The following TPPP variants were observed in gnomAD, a reference collection of about 807,000 sequenced individuals.
TPPP encodes the protein tubulin polymerization promoting protein.
In TPPP, 6 loss-of-function variants were observed where a neutral mutation model predicts 15.5. That is an observed-to-expected ratio of 0.39 (90% CI 0.21 to 0.77). TPPP has a LOEUF of 0.77. Ranked by LOEUF, TPPP falls within the 30% of genes least tolerant of loss-of-function variation. The pLI, the probability that TPPP is intolerant of heterozygous loss-of-function variation, is 0.42. For synonymous variants in TPPP, 146 were observed against 133.9 expected (o/e 1.09, Z -0.63); for missense variants, 269 against 307.2 (o/e 0.88, Z 0.93).
chr5:698,449 C>T, the TPPP span, among the ~76,000 whole-genome samples: 2 of 152,000 alleles, frequency 1.3e-5, no homozygotes, highest in Admixed American at 6.6e-5. Flanking sequence ...TAAAGACATG[C>T]CTGAGACTGG....
At position 665,982 on chromosome 5, in the gene TPPP, G is replaced by A. The variant is rs765719946; in HGVS notation, c.453C>T (p.Ile151=). The A allele has an allele frequency of 6.7e-7, 1 of 1,501,148 alleles. No homozygotes were observed. The highest frequency in any genetic ancestry group is 1.5e-5 in the African/African-American group (1 of 68,458). 93.0% of individuals were successfully genotyped at this position (1,501,148 alleles called of 1,614,324 possible). ...CCGCCCTGCTCACCGTCACCCCTGA[G>A]ATGATGGGCGCCTTGCCCTCGATGA... ...HRLIEGKAPI[I]SGVTKAISSP... is the part of the protein sequence containing the mutation. Residue 151 remains isoleucine (I), a synonymous_variant, in exon 3 of 4, where the codon ATC becomes ATT. Coordinates refer to ENST00000360578, the MANE Select transcript of TPPP (RefSeq NM_007030.3).
rs1472767931 is a variant in TPPP, at chr5:661,097, G to A, written c.*4005C>T. The A allele has an allele frequency of 6.6e-6, 1 of 152,358 alleles. No homozygotes were observed. Among genetic ancestry groups the A allele is most frequent in the Non-Finnish European group, 1.5e-5 (1 of 68,048 alleles). The allele number at this position is 152,358 out of a possible 1,614,324, so 9.4% of individuals were successfully genotyped here. On this transcript the variant is annotated 3_prime_UTR_variant, in exon 4 of 4. Transcript: ENST00000360578. The stretch of plus-strand genomic sequence containing the variant: ...ATAGCAGTAAATTAAAAATAAATAA[G>A]CACTCTGGCGTGAACAGTCTTCTCA...
chr5:665,944 C>T, intron 3 of TPPP, 26 bp downstream of exon 3: 1 of 1,500,748 alleles, frequency 6.7e-7, no homozygotes, highest in Non-Finnish European at 8.9e-7. Context: ...CCTCCAGGCC[C>T]CGCCTTCCAT....
At chr5:694,144 G>A (rs1387619720), upstream of TPPP, among the ~76,000 whole-genome samples, 1 of 149,628 alleles carries the variant, frequency 6.7e-6, no homozygotes, top group African/African-American at 2.4e-5. Context: ...CCGGGCACCT[G>A]CCGCCCCTCC....
intron 1 of TPPP, chr5:692,923 A>T: frequency 1.1e-6 from 1 of 893,976 alleles, no homozygotes; most frequent in Non-Finnish European, 1.3e-6. Flanking sequence ...CGAGCTGGGG[A>T]GGGTCTGGAG....
upstream of TPPP, among the ~76,000 whole-genome samples, chr5:693,583 T>A (rs1419292521): frequency 6.6e-6 from 1 of 151,368 alleles, no homozygotes; most frequent in Non-Finnish European, 1.5e-5. Flanking sequence ...CCGCCGGGTA[T>A]CCGCTCAGCG....
At chr5:700,079 A>C in the TPPP span, among the ~76,000 whole-genome samples, 1 of 151,996 alleles carries the variant, frequency 6.6e-6, no homozygotes, top group East Asian at 1.9e-4. Flanking sequence ...TTGGTTCAGC[A>C]ACCCCACTAC....
intron 2 of TPPP, among the ~76,000 whole-genome samples, chr5:674,985 G>C (rs1740353698): frequency 6.8e-6 from 1 of 147,830 alleles, no homozygotes; most frequent in African/African-American, 2.5e-5. Context: ...CAAAGGATCT[G>C]TGGCCGGGGG....
At chr5:692,925 G>A in intron 1 of TPPP, 2 of 896,274 alleles carry the variant, frequency 2.2e-6, no homozygotes, top group South Asian at 5.1e-5. Flanking sequence ...AGCTGGGGAG[G>A]GTCTGGAGGG....
Position 660,009 on chromosome 5 carries a change from C to G in TPPP, c.*5093G>C, listed in dbSNP as rs1323754611. The G allele has an allele frequency of 6.6e-6, 1 of 152,360 alleles. No homozygotes were observed. 9.4% of individuals were successfully genotyped at this position (152,360 alleles called of 1,614,324 possible). On this transcript the variant is annotated 3_prime_UTR_variant, in exon 4 of 4. Coordinates refer to ENST00000360578, the MANE Select transcript of TPPP (RefSeq NM_007030.3). ...TCAACAGCAAGTCCAACAGGCAACA[C>G]CACACCTCTCACCTGCAGGAGGAAC...
chr5:676,247 C>T (rs1261133910), intron 2 of TPPP: 1 of 152,324 alleles, frequency 6.6e-6, no homozygotes, highest in African/African-American at 2.4e-5. Context: ...CTCAGCAGGA[C>T]ACGCAGTCTA....
upstream of TPPP, among the ~76,000 whole-genome samples, chr5:697,346 A>G (rs1388488588): frequency 7.0e-6 from 1 of 143,674 alleles, no homozygotes. Context: ...TACGCCAGCC[A>G]TCGCTACCTC....
chr5:697,364 C>T (rs1260099992), upstream of TPPP, among the ~76,000 whole-genome samples: 1 of 148,310 alleles, frequency 6.7e-6, no homozygotes, highest in East Asian at 2.0e-4. Flanking sequence ...CTCAGTTCCA[C>T]AGCCGATGTT....
At chr5:674,237 C>T (rs565864423) in intron 2 of TPPP, among the ~76,000 whole-genome samples, 4 of 152,212 alleles carry the variant, frequency 2.6e-5, no homozygotes, top group African/African-American at 7.2e-5. Flanking sequence ...CCCAGGGACT[C>T]GTCCCAGATG....
chr5:698,731 C>T, the TPPP span, among the ~76,000 whole-genome samples: 1 of 151,928 alleles, frequency 6.6e-6, no homozygotes, highest in African/African-American at 2.4e-5. Flanking sequence ...ATGGGAGCTA[C>T]AATTCAAGAT....
intron 1 of TPPP, among the ~76,000 whole-genome samples, chr5:686,821 CT>C (rs1740779459): frequency 7.0e-6 from 1 of 143,566 alleles, no homozygotes; most frequent in Admixed American, 7.0e-5. Context: ...TTAACAGAGC[CT>C]TTGGGGGATG....
At chr5:667,734 A>G (rs1262757071) in intron 2 of TPPP, among the ~76,000 whole-genome samples, 1 of 151,420 alleles carries the variant, frequency 6.6e-6, no homozygotes, top group Non-Finnish European at 1.5e-5. Flanking sequence ...GACGGGCAGA[A>G]TATTTGAAGC....
chr5:669,773 G>A (rs924880843), intron 2 of TPPP, among the ~76,000 whole-genome samples: 7 of 152,200 alleles, frequency 4.6e-5, no homozygotes, highest in Non-Finnish European at 7.4e-5. Context: ...TGCCCCACAC[G>A]GGCGGGGAGC....
upstream of TPPP, among the ~76,000 whole-genome samples, chr5:697,613 T>C (rs1388274547): frequency 6.6e-6 from 1 of 152,044 alleles, no homozygotes; most frequent in Non-Finnish European, 1.5e-5. Flanking sequence ...AAAGCCGAGA[T>C]GGCTCCAAGC....
Sources: allele counts gnomAD v4.1 joint callset (sites outside exome capture counted in the v4.1 genomes callset), GRCh38; gene constraint gnomAD v4.1.1; transcripts MANE v1.5; gene names NCBI Gene and HGNC (gene_info 2026-07-23, HGNC 2026-07-21).